Variants in GRIN2A observed in about 807,000 individuals in gnomAD.
GRIN2A encodes glutamate receptor ionotropic, NMDA 2A.
A neutral mutation model predicts 113.4 loss-of-function variants in GRIN2A; 22 were observed. That is an observed-to-expected ratio of 0.19 (90% confidence interval 0.14 to 0.28). The LOEUF is 0.28. Ranked by LOEUF, GRIN2A falls within the 10% of genes least tolerant of loss-of-function variation. The pLI, the probability that GRIN2A is intolerant of heterozygous loss-of-function variation, is 1.00. For synonymous variants in GRIN2A, 827 were observed against 738.4 expected, an observed-to-expected ratio of 1.12 and a Z score of -1.94; for missense variants, 1,502 against 1,887.0, an observed-to-expected ratio of 0.80 and a Z score of 3.78.
At chr16:10,003,252 T>C (rs1183059975) in intron 2 of GRIN2A, among the ~76,000 whole-genome samples, 2 of 152,006 alleles carry the variant, frequency 1.3e-5, no homozygotes, top group African/African-American at 2.4e-5. Context: ...CTGATTCCAA[T>C]GGGAGAGGCA....
intron 4 of GRIN2A, among the ~76,000 whole-genome samples, chr16:9,856,417 G>A (rs1009633218): frequency 4.6e-5 from 7 of 151,642 alleles, no homozygotes; most frequent in Non-Finnish European, 7.4e-5. Flanking sequence ...TCAGGAGATC[G>A]AGACCATCCT....
chr16:10,135,699 G>A (rs1037420603), intron 2 of GRIN2A, among the ~76,000 whole-genome samples: 1 of 152,142 alleles, frequency 6.6e-6, no homozygotes, highest in Non-Finnish European at 1.5e-5. Context: ...CACAGGGCAG[G>A]CTGGAACTTC....
At chr16:10,131,250 G>A (rs540570972) in intron 2 of GRIN2A, among the ~76,000 whole-genome samples, 1 of 152,314 alleles carries the variant, frequency 6.6e-6, no homozygotes, top group Admixed American at 6.5e-5. Flanking sequence ...GCCCAGAACA[G>A]CATGTAGAGT....
chr16:10,085,836 T>C (rs2048075727), intron 2 of GRIN2A, among the ~76,000 whole-genome samples: 1 of 152,192 alleles, frequency 6.6e-6, no homozygotes, highest in Non-Finnish European at 1.5e-5. Flanking sequence ...AGGGGTTCCA[T>C]TTAATTAGTT....
chr16:10,098,591 G>A (rs1322194033), intron 2 of GRIN2A, among the ~76,000 whole-genome samples: 11 of 152,052 alleles, frequency 7.2e-5, no homozygotes, highest in Admixed American at 7.2e-4. Flanking sequence ...AACAAATTGT[G>A]GTATGTATAT....
intron 4 of GRIN2A, among the ~76,000 whole-genome samples, chr16:9,883,781 C>G (rs147599136): frequency 6.6e-6 from 1 of 152,174 alleles, no homozygotes; most frequent in African/African-American, 2.4e-5. Flanking sequence ...AGGGAGAGAT[C>G]TGGTTGTATT....
At chr16:10,112,613 G>C (rs1026373460) in intron 2 of GRIN2A, 4 of 771,016 alleles carry the variant, frequency 5.2e-6, no homozygotes, top group Non-Finnish European at 9.5e-6. Flanking sequence ...AGAAGTACTG[G>C]GGCATGGGCT....
At chr16:9,856,573 C>T (rs1489520952) in intron 4 of GRIN2A, among the ~76,000 whole-genome samples, 2 of 145,456 alleles carry the variant, frequency 1.4e-5, no homozygotes, top group Non-Finnish European at 3.0e-5. Context: ...TGCAGTGAGC[C>T]GAGATCGCGC....
chr16:9,929,632 G>A (rs978956258), intron 3 of GRIN2A, among the ~76,000 whole-genome samples: 4 of 152,116 alleles, frequency 2.6e-5, no homozygotes, highest in African/African-American at 9.7e-5. Context: ...TATACACTCT[G>A]TTAGCAGGCA....
chr16:10,164,495 C>T (rs879604314), intron 2 of GRIN2A, among the ~76,000 whole-genome samples: 26 of 152,198 alleles, frequency 1.7e-4, no homozygotes, highest in African/African-American at 6.3e-4. Context: ...CCCAATTGGA[C>T]GTGAGTCTCT....
intron 3 of GRIN2A, among the ~76,000 whole-genome samples, chr16:9,919,483 T>C (rs1287096269): frequency 6.6e-6 from 1 of 152,120 alleles, no homozygotes; most frequent in Non-Finnish European, 1.5e-5. Flanking sequence ...TGATTAGCTG[T>C]GGTCAAATAG....
intron 2 of GRIN2A, among the ~76,000 whole-genome samples, chr16:9,989,151 A>G (rs1402195079): frequency 2.0e-5 from 3 of 152,320 alleles, no homozygotes; most frequent in African/African-American, 7.2e-5. Flanking sequence ...ACTATACTAC[A>G]ATGCTACAGT....
chr16:9,937,649 C>CA (rs995350170), intron 3 of GRIN2A: 15 of 385,828 alleles, frequency 3.9e-5, no homozygotes, highest in African/African-American at 2.9e-4. Flanking sequence ...TTATGAGTTA[C>CA]AAAAAATATA....
At chr16:10,098,137 T>C (rs907478264) in intron 2 of GRIN2A, among the ~76,000 whole-genome samples, 3 of 151,546 alleles carry the variant, frequency 2.0e-5, no homozygotes, top group Non-Finnish European at 4.4e-5. Context: ...CAAACAAAAG[T>C]GGGCTAAGGG....
In GRIN2A at chr16:9,984,044, A is replaced by T. The variant is rs568209188; in HGVS notation, c.415-45493T>A. ...ATGTATACTAGTTCTCTTTCTCCAC[A>T]TCCTTGCCAGTATTTACTTTTTGTA... On this transcript the variant is annotated intron_variant, in intron 2 of 12. Coordinates refer to ENST00000330684, the MANE Select transcript of GRIN2A (RefSeq NM_001134407.3). 3.9e-4 allele frequency among the ~76,000 whole-genome samples: 60 copies of T among 152,234 alleles called. No homozygotes were observed. The Middle Eastern group carries it at 0.01, about 26-fold the overall frequency.
chr16:9,790,275 C>T (rs1158424222), intron 11 of GRIN2A, among the ~76,000 whole-genome samples: 4 of 152,182 alleles, frequency 2.6e-5, no homozygotes, highest in Non-Finnish European at 5.9e-5. Flanking sequence ...GTTTTGTGTT[C>T]CCTTTGTTTT....
At chr16:10,082,012 G>T (rs1365811307) in intron 2 of GRIN2A, among the ~76,000 whole-genome samples, 2 of 152,158 alleles carry the variant, frequency 1.3e-5, no homozygotes, top group East Asian at 3.9e-4. Flanking sequence ...ATAGGGTTAT[G>T]AAGCCACTGG....
intron 2 of GRIN2A, among the ~76,000 whole-genome samples, chr16:10,074,589 T>G (rs908227951): frequency 6.6e-6 from 1 of 152,188 alleles, no homozygotes; most frequent in Non-Finnish European, 1.5e-5. Context: ...ACAACATGGA[T>G]GGGCATTGAA....
chr16:9,943,727 G>A (rs923171127), intron 2 of GRIN2A, among the ~76,000 whole-genome samples: 6 of 152,128 alleles, frequency 3.9e-5, no homozygotes, highest in South Asian at 2.1e-4. Flanking sequence ...CTCAGTCATC[G>A]TGAGATGCAT....
Sources: allele counts gnomAD v4.1 joint callset (sites outside exome capture counted in the v4.1 genomes callset), GRCh38; gene constraint gnomAD v4.1.1; transcripts MANE v1.5; gene names NCBI Gene and HGNC (gene_info 2026-07-23, HGNC 2026-07-21).